Variants in RDH13 observed in about 807,000 individuals in gnomAD.
The protein encoded by RDH13 is retinol dehydrogenase 13.
RDH13 carries 35 observed loss-of-function variants against 28.3 expected under a neutral mutation model. That is an observed-to-expected ratio of 1.24 (90% CI 0.95 to 1.64). The LOEUF is 1.64. RDH13 is among the 40% of genes most tolerant of loss of function. RDH13 has a pLI of 0.00. For missense variants in RDH13, 514 were observed against 446.3 expected (o/e 1.15, Z -1.37); for synonymous variants, 229 against 198.5 (o/e 1.15, Z -1.29).
At position 55,045,139 on chromosome 19, in the gene RDH13, C is replaced by G; in HGVS notation, c.931G>C (p.Ala311Pro). ...EDEEVARRLW[A>P]ESARLVGLEA... ...AAGCCCACCAGGCGGGCACTTTCAG[C>G]CCAAAGCCTCCGGGCCACCTCCTCA... The change falls in exon 7 of 7, where the codon GCT becomes CCT. Residue 311 changes from alanine (A) to proline (P), a missense_variant. Ala to Pro is a conservative substitution (Grantham distance 27). Transcript: ENST00000415061. 6.2e-7 allele frequency: 1 copy of G among 1,613,616 alleles called. No individual in the cohort carries two copies. Among genetic ancestry groups the G allele is most frequent in the Non-Finnish European group, 8.5e-7 (1 of 1,179,990 alleles).
chr19:55,050,180 G>A (rs1035655634), intron 3 of RDH13, among the ~76,000 whole-genome samples: 7 of 150,920 alleles, frequency 4.6e-5, no homozygotes, highest in African/African-American at 1.2e-4. Flanking sequence ...GCAATGGTGC[G>A]ATCTTGGCTC....
intron 2 of RDH13, among the ~76,000 whole-genome samples, chr19:55,057,627 G>A (rs1004621314): frequency 1.4e-4 from 21 of 151,622 alleles, no homozygotes; most frequent in African/African-American, 4.6e-4. Context: ...AGTAGAGACA[G>A]CGGTTTCACC....
At chr19:55,054,563 G>T (rs904778327) in intron 3 of RDH13, among the ~76,000 whole-genome samples, 1 of 152,092 alleles carries the variant, frequency 6.6e-6, no homozygotes, top group African/African-American at 2.4e-5. Flanking sequence ...TCCAGCCTGG[G>T]TGACAGAGCA....
chr19:55,066,226 C>T (rs1433468061), upstream of RDH13, among the ~76,000 whole-genome samples: 2 of 152,140 alleles, frequency 1.3e-5, no homozygotes, highest in African/African-American at 2.4e-5. Flanking sequence ...GGGCTGTCCA[C>T]GCCTTTACCA....
chr19:55,045,213 T>G lies in RDH13; in HGVS notation c.857A>C (p.Lys286Thr). ...CTTCTGTTTGAGTCCATCGAAGTAC[T>G]TTCCGGAAACATCCGCCAGTTCCTC... is the stretch of plus-strand genomic sequence containing the variant. ...VAEELADVSG[K>T]YFDGLKQKAP... Residue 286 changes from lysine to threonine, a missense_variant, in exon 7 of 7, where the codon AAG becomes ACG. Lys to Thr is a moderately conservative substitution (Grantham distance 78, BLOSUM62 -1). Coordinates refer to ENST00000415061, the MANE Select transcript of RDH13 (RefSeq NM_001145971.2). 1.9e-6 allele frequency: 3 copies of G among 1,613,554 alleles called. No homozygotes were observed. Among genetic ancestry groups the G allele is most frequent in the Non-Finnish European group, 2.5e-6 (3 of 1,180,038 alleles).
chr19:55,049,309 C>T (rs534659450), intron 3 of RDH13, among the ~76,000 whole-genome samples: 4 of 152,206 alleles, frequency 2.6e-5, no homozygotes, highest in African/African-American at 4.8e-5. Flanking sequence ...GTGGGAGCCC[C>T]GGCACCGCAG....
At chr19:55,063,408 T>C (rs2075876013), upstream of RDH13, 2 of 255,478 alleles carry the variant, frequency 7.8e-6, no homozygotes, top group Non-Finnish European at 7.4e-6. Context: ...CCACTGTCAA[T>C]TCCAGACTGT....
At chr19:55,050,821 G>C (rs538081297) in intron 3 of RDH13, 2 of 152,016 alleles carry the variant, frequency 1.3e-5, no homozygotes, top group East Asian at 3.9e-4. Flanking sequence ...TCGTGAATTA[G>C]GTGTCCAGCG....
chr19:55,063,390 GA>G (rs2075875361), upstream of RDH13: 1 of 286,864 alleles, frequency 3.5e-6, no homozygotes, highest in African/African-American at 2.2e-5. Context: ...AAATAGGTTC[GA>G]ATCCCACCAC....
At chr19:55,051,975 G>C (rs1052071327) in intron 3 of RDH13, among the ~76,000 whole-genome samples, 1 of 150,462 alleles carries the variant, frequency 6.6e-6, no homozygotes, top group Non-Finnish European at 1.5e-5. Context: ...TAGGCAATTC[G>C]CCCACCTCGG....
intron 3 of RDH13, among the ~76,000 whole-genome samples, chr19:55,051,473 G>T (rs1361994054): frequency 6.6e-6 from 1 of 151,894 alleles, no homozygotes; most frequent in Non-Finnish European, 1.5e-5. Flanking sequence ...ACCCAGGCTG[G>T]AGTGCAGTGG....
intron 5 of RDH13, 30 bp downstream of exon 5, chr19:55,048,299 A>C (rs2075305276): frequency 1.2e-6 from 2 of 1,613,126 alleles, no homozygotes; most frequent in Non-Finnish European, 1.7e-6. Flanking sequence ...GAGTAAAGCA[A>C]GAGGGAGGCC....
At chr19:55,061,459 G>A (rs1406420814) in intron 1 of RDH13, among the ~76,000 whole-genome samples, 2 of 151,646 alleles carry the variant, frequency 1.3e-5, no homozygotes, top group Non-Finnish European at 2.9e-5. Context: ...TCTCCCCTCT[G>A]ACTGAGCCTC....
intron 6 of RDH13, chr19:55,047,165 T>A: frequency 7.2e-7 from 1 of 1,396,926 alleles, no homozygotes; most frequent in Non-Finnish European, 9.3e-7. Flanking sequence ...GACACGGTTT[T>A]CTCATCCGCC....
chr19:55,047,531 TCACCTGGGAGGCTGTGG>T (rs1197874685), intron 5 of RDH13, 43 bp from the exon 6 acceptor site: 1 of 1,564,628 alleles, frequency 6.4e-7, no homozygotes, highest in Admixed American at 1.8e-5. Flanking sequence ...GGGTCCAGCC[TCACCTGGGAGGCTGTGG>T]CAGCCCACAC....
At chr19:55,058,137 C>G (rs1247669037) in intron 2 of RDH13, among the ~76,000 whole-genome samples, 10 of 152,018 alleles carry the variant, frequency 6.6e-5, no homozygotes, top group Non-Finnish European at 1.2e-4. Context: ...CTGGGCCGGG[C>G]ATGGTGGCTC....
chr19:55,047,566 T>C (rs923601703), intron 5 of RDH13, 78 bp from the exon 6 acceptor site: 17 of 1,508,094 alleles, frequency 1.1e-5, no homozygotes, highest in Admixed American at 4.3e-5. Flanking sequence ...CACCCAGCTG[T>C]GGGGCTTCCG....
chr19:55,067,209 G>C (rs1373439027), upstream of RDH13: 1 of 152,316 alleles, frequency 6.6e-6, no homozygotes, highest in Non-Finnish European at 1.5e-5. Flanking sequence ...AGGAAGGAAA[G>C]ACAGGAAAGG....
intron 3 of RDH13, among the ~76,000 whole-genome samples, chr19:55,049,062 A>G (rs1317432435): frequency 6.6e-6 from 1 of 152,170 alleles, no homozygotes; most frequent in Non-Finnish European, 1.5e-5. Flanking sequence ...CCCCGCTGGA[A>G]GTGGAAGAGG....
Sources: allele counts gnomAD v4.1 joint callset (sites outside exome capture counted in the v4.1 genomes callset), GRCh38; gene constraint gnomAD v4.1.1; transcripts MANE v1.5; gene names NCBI Gene and HGNC (gene_info 2026-07-23, HGNC 2026-07-21).